Variants in ANTXR2 observed in about 807,000 individuals in gnomAD.
ANTXR2 encodes the protein anthrax toxin receptor 2.
ANTXR2 carries 44 observed loss-of-function variants against 73.7 expected under a neutral mutation model. The observed-to-expected ratio is 0.60, with a 90% CI of 0.47 to 0.77. The LOEUF (loss-of-function observed/expected upper bound fraction) is 0.77, where lower values mean the gene tolerates loss of function less well. ANTXR2 is among the 30% of genes least tolerant of loss of function. The pLI, the probability that ANTXR2 is intolerant of heterozygous loss-of-function variation, is 0.00. For synonymous variants in ANTXR2, 217 were observed against 205.9 expected, an observed-to-expected ratio of 1.05 and a Z score of -0.46; for missense variants, 604 against 592.5, an observed-to-expected ratio of 1.02 and a Z score of -0.20.
At chr4:79,914,385 T>G (rs961292735) in intron 16 of ANTXR2, among the ~76,000 whole-genome samples, 6 of 152,158 alleles carry the variant, frequency 3.9e-5, no homozygotes, top group African/African-American at 1.4e-4. Flanking sequence ...CCAATTTTTG[T>G]TCTTCTGAGG....
At chr4:79,997,850 C>T (rs745596362) in intron 12 of ANTXR2, among the ~76,000 whole-genome samples, 4 of 151,872 alleles carry the variant, frequency 2.6e-5, no homozygotes, top group East Asian at 1.9e-4. Context: ...GATACTGTCT[C>T]GTAAAAGATG....
chr4:80,072,839 G>A lies in ANTXR2; in HGVS notation c.-279C>T, dbSNP rs1734883648. On this transcript the variant is annotated 5_prime_UTR_variant, in exon 1 of 17. Transcript: ENST00000403729. ...TCCAGTCCTCCCCCTCCCGATTCCG[G>A]AGAGTTCCTGCAGACAATGCGGGCC... The A allele has an allele frequency of 1.5e-5, 10 of 653,236 alleles. No homozygotes were observed. Among genetic ancestry groups the A allele is most frequent in the Middle Eastern group, 5.1e-4 (1 of 1,976 alleles). 40.5% of individuals were successfully genotyped at this position (653,236 alleles called of 1,614,324 possible).
At chr4:79,916,248 G>C (rs1357849721) in intron 16 of ANTXR2, among the ~76,000 whole-genome samples, 2 of 151,994 alleles carry the variant, frequency 1.3e-5, no homozygotes, top group African/African-American at 4.8e-5. Flanking sequence ...AGATGAAATA[G>C]ATGCTTCTAA....
At chr4:80,012,181 C>A (rs533313957) in intron 11 of ANTXR2, among the ~76,000 whole-genome samples, 3 of 152,066 alleles carry the variant, frequency 2.0e-5, no homozygotes. Flanking sequence ...AATTTTGTTT[C>A]ATGAATTTAG....
intron 16 of ANTXR2, among the ~76,000 whole-genome samples, chr4:79,944,714 A>C (rs551981254): frequency 6.6e-6 from 1 of 152,146 alleles, no homozygotes; most frequent in Non-Finnish European, 1.5e-5. Flanking sequence ...TTGTGCTGGC[A>C]ATTTTAATTT....
At chr4:80,059,193 G>A (rs898181167) in intron 3 of ANTXR2, among the ~76,000 whole-genome samples, 4 of 151,654 alleles carry the variant, frequency 2.6e-5, no homozygotes, top group African/African-American at 9.7e-5. Context: ...ATACTTTTTT[G>A]AAAGAGACAG....
At chr4:80,054,390 T>A (rs1733896662) in intron 6 of ANTXR2, 38 bp from the exon 7 acceptor site, 1 of 1,387,184 alleles carries the variant, frequency 7.2e-7, no homozygotes. Flanking sequence ...AAGGAGTGGC[T>A]GACACATACA....
chr4:79,961,350 T>C (rs1192067591), intron 16 of ANTXR2, among the ~76,000 whole-genome samples: 1 of 152,186 alleles, frequency 6.6e-6, no homozygotes, highest in Non-Finnish European at 1.5e-5. Flanking sequence ...TTTAATTGAT[T>C]CTACATCACA....
chr4:79,952,850 CAG>C (rs1728755574), intron 16 of ANTXR2, among the ~76,000 whole-genome samples: 1 of 151,792 alleles, frequency 6.6e-6, no homozygotes, highest in East Asian at 1.9e-4. Flanking sequence ...TTTTATACAA[CAG>C]AGAGTACAAA....
At chr4:80,049,657 C>G (rs1271229177) in intron 7 of ANTXR2, among the ~76,000 whole-genome samples, 1 of 151,624 alleles carries the variant, frequency 6.6e-6, no homozygotes, top group Non-Finnish European at 1.5e-5. Context: ...TACAATAACC[C>G]TCTTGTCCCC....
chr4:80,043,062 C>G (rs530658093), intron 7 of ANTXR2, among the ~76,000 whole-genome samples: 17 of 152,024 alleles, frequency 1.1e-4, no homozygotes, highest in South Asian at 8.3e-4. Flanking sequence ...AGTTCACAAG[C>G]ATGGGGGAGA....
intron 7 of ANTXR2, among the ~76,000 whole-genome samples, chr4:80,047,031 C>A (rs1560421496): frequency 6.6e-6 from 1 of 151,668 alleles, no homozygotes; most frequent in Non-Finnish European, 1.5e-5. Flanking sequence ...CTGTAGGACA[C>A]CTTTTATAGT....
At chr4:79,975,499 A>G (rs1729587100) in intron 16 of ANTXR2, among the ~76,000 whole-genome samples, 1 of 152,228 alleles carries the variant, frequency 6.6e-6, no homozygotes, top group Non-Finnish European at 1.5e-5. Flanking sequence ...GTTAAAAGAA[A>G]ATATAAAGCA....
chr4:80,036,544 T>C (rs910252434), intron 7 of ANTXR2, among the ~76,000 whole-genome samples: 1 of 152,130 alleles, frequency 6.6e-6, no homozygotes, highest in Non-Finnish European at 1.5e-5. Context: ...CTCATGCCTA[T>C]AATCGCAGCC....
rs542855460 is a variant in ANTXR2, at chr4:80,052,916, T to TA, written c.636+1355dup. On this transcript the variant is annotated intron_variant, in intron 7 of 16. Coordinates refer to ENST00000403729, the MANE Select transcript of ANTXR2 (RefSeq NM_058172.6). The stretch of plus-strand genomic sequence containing the variant: ...AGGGGAAATCTGTAGTTATTACCCA[T>TA]AAAAATAGAGTTTTGGAAACAATCC... 5.9e-5 allele frequency among the ~76,000 whole-genome samples: 9 copies of TA among 151,642 alleles called. No individual in the cohort carries two copies. In the East Asian group the frequency reaches 1.6e-3, roughly 26 times the overall value.
At chr4:79,929,043 G>C (rs549503610) in intron 16 of ANTXR2, among the ~76,000 whole-genome samples, 1 of 152,232 alleles carries the variant, frequency 6.6e-6, no homozygotes, top group South Asian at 2.1e-4. Context: ...TAATAATTTA[G>C]AGTGCGGGGC....
rs747343480 is a variant in ANTXR2, at chr4:80,044,467, G to C, written c.637-8435C>G. Among the ~76,000 whole-genome samples the C allele has an allele frequency of 6.6e-5, 10 of 152,044 alleles. No homozygotes were observed. In the East Asian group the frequency reaches 1.6e-3, roughly 24 times the overall value. On this transcript the variant is annotated intron_variant, in intron 7 of 16. Transcript: ENST00000403729. Reference sequence around the variant, plus strand: ...TTTAAAGTAATATGGGATTTGTGGAGAGTTGTAGTTGGTGTCGATCCAAGA... The same window carrying C: ...TTTAAAGTAATATGGGATTTGTGGACAGTTGTAGTTGGTGTCGATCCAAGA...
intron 10 of ANTXR2, among the ~76,000 whole-genome samples, chr4:80,023,850 C>A (rs1033723478): frequency 1.3e-5 from 2 of 152,128 alleles, no homozygotes; most frequent in Non-Finnish European, 2.9e-5. Context: ...AAAAGGGGAG[C>A]AGAGAAAAGA....
intron 7 of ANTXR2, among the ~76,000 whole-genome samples, chr4:80,037,192 T>C (rs1474340532): frequency 1.3e-5 from 2 of 152,214 alleles, no homozygotes; most frequent in Non-Finnish European, 2.9e-5. Context: ...TTTCTTGACA[T>C]TCCTTTCTTG....
Sources: gnomAD v4.1 joint callset for allele counts (sites outside exome capture counted in the v4.1 genomes callset) on GRCh38, gnomAD v4.1.1 for gene constraint, MANE v1.5 for transcripts, NCBI Gene and HGNC (gene_info 2026-07-23, HGNC 2026-07-21) for gene names.